The following LRRC3B variants were observed in gnomAD, a reference collection of about 807,000 sequenced individuals.
The protein encoded by LRRC3B is leucine rich repeat containing 3B.
A neutral mutation model predicts 12.8 loss-of-function variants in LRRC3B; 2 were observed. The ratio of observed to expected loss-of-function variants is 0.16; its 90% CI spans 0.06 to 0.49. The LOEUF (loss-of-function observed/expected upper bound fraction) is 0.49. Among genes scored for constraint, LRRC3B ranks in the 20% least tolerant of loss-of-function variants. LRRC3B has a pLI of 0.96. For synonymous variants in LRRC3B, 132 were observed against 122.0 expected (o/e 1.08, Z -0.54); for missense variants, 189 against 319.4 (o/e 0.59, Z 3.11).
At chr3:26,631,743 T>C (rs1375721027) in intron 1 of LRRC3B, among the ~76,000 whole-genome samples, 1 of 151,160 alleles carries the variant, frequency 6.6e-6, no homozygotes, top group East Asian at 1.9e-4. Flanking sequence ...ACATAGACTA[T>C]TTGGGAACCA....
At chr3:26,636,081 T>A (rs1325324427) in intron 1 of LRRC3B, among the ~76,000 whole-genome samples, 3 of 152,228 alleles carry the variant, frequency 2.0e-5, no homozygotes, top group African/African-American at 7.2e-5. Flanking sequence ...CAGCATGCTT[T>A]CCTATTTACC....
At chr3:26,638,204 T>G (rs899864305) in intron 1 of LRRC3B, among the ~76,000 whole-genome samples, 3 of 152,180 alleles carry the variant, frequency 2.0e-5, no homozygotes, top group African/African-American at 7.2e-5. Context: ...CTATATATTA[T>G]GAGGTGCTAT....
intron 1 of LRRC3B, chr3:26,701,325 G>A (rs1433442682): frequency 6.6e-6 from 1 of 152,082 alleles, no homozygotes; most frequent in Non-Finnish European, 1.5e-5. Flanking sequence ...CAGCTGCTCA[G>A]GAGGTAGAAT....
rs185209841 is a variant in LRRC3B, at chr3:26,669,369, T to C, written c.-160-40144T>C. Among the ~76,000 whole-genome samples, 57 of 152,342 alleles carry C rather than the reference T, an allele frequency of 3.7e-4. No homozygotes were observed. The East Asian group carries it at 8.5e-3, about 23-fold the overall frequency. On this transcript the variant is annotated intron_variant, in intron 1 of 1. Transcript: ENST00000396641. ...TTTCATTACGATGGAGTGAACTGATTGCATTGTTGGATGGGCCTTCTTCCA... is the reference window on the plus strand; with the variant it reads ...TTTCATTACGATGGAGTGAACTGATCGCATTGTTGGATGGGCCTTCTTCCA...
intron 1 of LRRC3B, among the ~76,000 whole-genome samples, chr3:26,668,796 A>T (rs1699660737): frequency 1.3e-5 from 2 of 152,346 alleles, no homozygotes; most frequent in South Asian, 4.1e-4. Context: ...TCAGTGTATG[A>T]TCCTCTGGCT....
At chr3:26,641,556 A>G (rs1051003646) in intron 1 of LRRC3B, among the ~76,000 whole-genome samples, 15 of 152,006 alleles carry the variant, frequency 9.9e-5, no homozygotes, top group African/African-American at 1.5e-4. Flanking sequence ...ACAATAGAAA[A>G]CCACTGCAGT....
intron 1 of LRRC3B, among the ~76,000 whole-genome samples, chr3:26,682,717 C>G (rs1018199068): frequency 6.6e-6 from 1 of 152,192 alleles, no homozygotes; most frequent in Non-Finnish European, 1.5e-5. Context: ...CAGCTCCCCT[C>G]TCAGGGTTCT....
rs144747414 is a variant in LRRC3B, at chr3:26,655,455, C to T, written c.-161+32218C>T. Among the ~76,000 whole-genome samples, 646 of 152,294 alleles carry T rather than the reference C, an allele frequency of 4.2e-3. 4 individuals carry two copies. The highest frequency in any genetic ancestry group is 0.015 in the African/African-American group (603 of 41,560). Reference sequence around the variant, plus strand: ...CTATTAGTAAAAGCCAAACTCGAGCCTTCCTACAATGGACATGACTAAGGC... The same window carrying T: ...CTATTAGTAAAAGCCAAACTCGAGCTTTCCTACAATGGACATGACTAAGGC... On this transcript the variant is annotated intron_variant, in intron 1 of 1. Transcript: ENST00000396641.
At chr3:26,689,839 C>T (rs1191442774) in intron 1 of LRRC3B, among the ~76,000 whole-genome samples, 5 of 152,328 alleles carry the variant, frequency 3.3e-5, no homozygotes, top group South Asian at 4.2e-4. Context: ...TCAGATGGTC[C>T]GCAGGCCCCC....
At chr3:26,659,100 A>C (rs1699438329) in intron 1 of LRRC3B, among the ~76,000 whole-genome samples, 1 of 152,224 alleles carries the variant, frequency 6.6e-6, no homozygotes, top group Non-Finnish European at 1.5e-5. Flanking sequence ...ATGTATGTGT[A>C]TATCGATTAA....
At chr3:26,626,389 C>T (rs1429245523) in intron 1 of LRRC3B, among the ~76,000 whole-genome samples, 7 of 152,192 alleles carry the variant, frequency 4.6e-5, no homozygotes, top group African/African-American at 7.2e-5. Context: ...GAAAGCCTCT[C>T]TCTGAATTGA....
At chr3:26,646,066 C>A (rs988981891) in intron 1 of LRRC3B, among the ~76,000 whole-genome samples, 1 of 152,134 alleles carries the variant, frequency 6.6e-6, no homozygotes, top group African/African-American at 2.4e-5. Flanking sequence ...TTGATGAATG[C>A]AGACATTCTC....
chr3:26,625,308 C>G (rs61731245), intron 1 of LRRC3B: 129 of 152,404 alleles, frequency 8.5e-4, no homozygotes, highest in African/African-American at 2.9e-3. Context: ...GGAGAAATCC[C>G]GAGGTCAGTC....
At chr3:26,688,907 T>C (rs951382831) in intron 1 of LRRC3B, among the ~76,000 whole-genome samples, 2 of 152,214 alleles carry the variant, frequency 1.3e-5, no homozygotes, top group African/African-American at 4.8e-5. Context: ...CACAAATAAT[T>C]GTTGGTCACT....
chr3:26,707,450 C>T (rs1034260934), intron 1 of LRRC3B, among the ~76,000 whole-genome samples: 8 of 152,244 alleles, frequency 5.3e-5, no homozygotes, highest in Admixed American at 3.9e-4. Context: ...TTACTATTGT[C>T]TCTGCAAGAG....
At chr3:26,673,520 G>T (rs1380335241) in intron 1 of LRRC3B, among the ~76,000 whole-genome samples, 1 of 152,186 alleles carries the variant, frequency 6.6e-6, no homozygotes, top group Non-Finnish European at 1.5e-5. Flanking sequence ...GTGCAATAAG[G>T]TATGGTGGAC....
chr3:26,636,890 C>CCTT (rs1559350159), intron 1 of LRRC3B, among the ~76,000 whole-genome samples: 3,995 of 86,770 alleles, frequency 0.046, 374 homozygotes, highest in East Asian at 0.099. Context: ...TCCTTCCTTT[C>CCTT]TCTCTCTCTC....
intron 1 of LRRC3B, among the ~76,000 whole-genome samples, chr3:26,693,596 A>G (rs2125451384): frequency 2.0e-5 from 3 of 152,316 alleles, no homozygotes; most frequent in South Asian, 4.1e-4. Context: ...ACCATGCGAA[A>G]TAGATATTAT....
At chr3:26,625,198 C>T (rs531317112) in intron 1 of LRRC3B, 1 of 152,436 alleles carries the variant, frequency 6.6e-6, no homozygotes, top group African/African-American at 2.4e-5. Context: ...CTCCTGCTGC[C>T]TTGTACCAGT....
Sources: allele counts gnomAD v4.1 joint callset (sites outside exome capture counted in the v4.1 genomes callset), GRCh38; gene constraint gnomAD v4.1.1; transcripts MANE v1.5; gene names NCBI Gene and HGNC (gene_info 2026-07-23, HGNC 2026-07-21).